DLGAP1: variants seen among roughly 807,000 people sequenced by gnomAD.
The protein encoded by DLGAP1 is DLG associated protein 1, also known as disks large-associated protein 1.
Under a neutral mutation model 90.8 loss-of-function variants are expected in DLGAP1, and 11 were observed. The ratio of observed to expected loss-of-function variants is 0.12; its 90% confidence interval spans 0.08 to 0.20. The LOEUF is 0.20. DLGAP1 is among the 10% of genes least tolerant of loss of function. The probability of loss-of-function intolerance (pLI) is 1.00; values close to 1 mark genes in which losing one functional copy is unlikely to be tolerated. For synonymous variants in DLGAP1, 558 were observed against 540.7 expected (o/e 1.03, Z -0.44); for missense variants, 1,050 against 1,333.8 (o/e 0.79, Z 3.31).
intron 3 of DLGAP1, among the ~76,000 whole-genome samples, chr18:3,910,105 C>T (rs554875479): frequency 1.3e-4 from 20 of 149,624 alleles, no homozygotes; most frequent in Admixed American, 8.1e-4. Context: ...AGTTGGACTA[C>T]GAAAATGAAT....
chr18:3,858,477 C>CATATATATATATATACGTAT (rs141028503), intron 4 of DLGAP1, among the ~76,000 whole-genome samples: 4 of 147,312 alleles, frequency 2.7e-5, no homozygotes, highest in Admixed American at 1.4e-4. Flanking sequence ...AAAAGGGAAA[C>CATATATATATATATACGTAT]ATATATATAT....
chr18:4,203,466 A>G (rs559020035), intron 1 of DLGAP1, among the ~76,000 whole-genome samples: 65 of 152,292 alleles, frequency 4.3e-4, no homozygotes, highest in African/African-American at 1.4e-3. Flanking sequence ...ATAGAAGCAG[A>G]TATCAATTAA....
At chr18:3,795,239 C>T (rs1280204409) in intron 5 of DLGAP1, among the ~76,000 whole-genome samples, 1 of 152,188 alleles carries the variant, frequency 6.6e-6, no homozygotes, top group Non-Finnish European at 1.5e-5. Flanking sequence ...GAAACAGACA[C>T]AGAGATTTTC....
intron 7 of DLGAP1, among the ~76,000 whole-genome samples, chr18:3,591,003 G>A (rs1194372239): frequency 6.6e-6 from 1 of 151,954 alleles, no homozygotes; most frequent in Non-Finnish European, 1.5e-5. Flanking sequence ...TTTTTTGTAT[G>A]TCTTAAAAAA....
intron 1 of DLGAP1, among the ~76,000 whole-genome samples, chr18:4,334,235 TCAAA>T (rs574085986): frequency 0.02 from 3,090 of 151,638 alleles, 46 homozygotes; most frequent in Admixed American, 0.033. Flanking sequence ...TGAAACTCCA[TCAAA>T]CAAACAAACA....
chr18:4,018,289 T>C (rs111700274), intron 2 of DLGAP1, among the ~76,000 whole-genome samples: 2,223 of 152,288 alleles, frequency 0.015, 58 homozygotes, highest in African/African-American at 0.051. Flanking sequence ...CGAGCTGGGA[T>C]GCCCTTCAGA....
intron 2 of DLGAP1, among the ~76,000 whole-genome samples, chr18:4,046,502 CA>C (rs1255487938): frequency 2.0e-5 from 3 of 152,130 alleles, no homozygotes; most frequent in African/African-American, 7.2e-5. Flanking sequence ...CAACTATGCC[CA>C]GGGGCGCACA....
chr18:3,601,581 G>A (rs554075456), intron 7 of DLGAP1, among the ~76,000 whole-genome samples: 4 of 151,848 alleles, frequency 2.6e-5, no homozygotes, highest in Admixed American at 1.3e-4. Context: ...GGTGGTTCAC[G>A]CCTATAATCC....
rs114518467 is a variant in DLGAP1, at chr18:3,589,866, G to A, written c.1592-7618C>T. On this transcript the variant is annotated intron_variant, in intron 7 of 12. Coordinates refer to ENST00000315677, the MANE Select transcript of DLGAP1 (RefSeq NM_004746.4). ...GCTGAGGGCAAAGTTCTCCCGATTT[G>A]GTCCAGGTGATCAGCAGTTGTTCAA... Among the ~76,000 whole-genome samples, 680 of 152,254 alleles carry A rather than the reference G, an allele frequency of 4.5e-3. 4 individuals are homozygous for A. Among genetic ancestry groups the A allele is most frequent in the African/African-American group, 0.015 (640 of 41,560 alleles).
At chr18:3,759,028 A>G (rs533463419) in intron 5 of DLGAP1, among the ~76,000 whole-genome samples, 5 of 152,336 alleles carry the variant, frequency 3.3e-5, no homozygotes, top group Non-Finnish European at 7.3e-5. Flanking sequence ...TTAGAGGAAC[A>G]AACTCCTATA....
chr18:3,695,135 G>A (rs2061049276), intron 7 of DLGAP1, among the ~76,000 whole-genome samples: 1 of 151,714 alleles, frequency 6.6e-6, no homozygotes, highest in African/African-American at 2.4e-5. Flanking sequence ...TAGTAGAGAC[G>A]GGGTTTCACC....
At chr18:4,410,143 C>T (rs1324192645) in intron 1 of DLGAP1, among the ~76,000 whole-genome samples, 3 of 152,064 alleles carry the variant, frequency 2.0e-5, no homozygotes, top group South Asian at 2.1e-4. Flanking sequence ...CAATAGACTT[C>T]GGGTACTTGG....
chr18:3,611,570 T>C (rs1159161168), intron 7 of DLGAP1, among the ~76,000 whole-genome samples: 2 of 151,980 alleles, frequency 1.3e-5, no homozygotes, highest in African/African-American at 2.4e-5. Context: ...TGTTAACGCG[T>C]CCCCGCCTCC....
At chr18:4,445,528 A>G (rs2083642727) in intron 1 of DLGAP1, among the ~76,000 whole-genome samples, 1 of 140,812 alleles carries the variant, frequency 7.1e-6, no homozygotes, top group Non-Finnish European at 1.5e-5. Context: ...ATTCCCACCT[A>G]TGAGTGAGAA....
At position 3,881,959 on chromosome 18, in the gene DLGAP1, G is replaced by C. The variant is rs1411136606; in HGVS notation, c.-72-1819C>G. ...ACTAAGATGAATAATAGAAGCCAAT[G>C]GCACCTCGTATCTTTAGGATATCTC... On this transcript the variant is annotated intron_variant, in intron 3 of 12. Transcript: ENST00000315677. Among the ~76,000 whole-genome samples the C allele has an allele frequency of 2.0e-5, 3 of 152,110 alleles. No homozygotes were observed. The East Asian group carries it at 5.8e-4, about 29-fold the overall frequency.
In DLGAP1 at chr18:3,976,098, G is replaced by T. The variant is rs148429664; in HGVS notation, c.-73+29018C>A. On this transcript the variant is annotated intron_variant, in intron 3 of 12. Transcript: ENST00000315677. The stretch of plus-strand genomic sequence containing the variant: ...GCAGTGGCTCATGCCTGTAATCCCA[G>T]CACTTTGAGAGGCTGAGGTGGTTGG... Among the ~76,000 whole-genome samples, 512 of 152,110 alleles carry T rather than the reference G, an allele frequency of 3.4e-3. 5 individuals carry two copies. The highest frequency in any genetic ancestry group is 0.012 in the African/African-American group (480 of 41,490).
chr18:3,527,413 T>TTTTTG (rs2051706242), intron 10 of DLGAP1, among the ~76,000 whole-genome samples: 2 of 144,728 alleles, frequency 1.4e-5, no homozygotes, highest in Non-Finnish European at 3.0e-5. Context: ...TTCCAAACTT[T>TTTTTG]TTTTTTTTTT....
intron 2 of DLGAP1, among the ~76,000 whole-genome samples, chr18:4,109,482 G>A (rs1302592298): frequency 6.6e-6 from 1 of 152,176 alleles, no homozygotes; most frequent in African/African-American, 2.4e-5. Flanking sequence ...TTACTGTAGT[G>A]TTCAGAGAAG....
At chr18:4,130,153 G>T (rs1428531127) in intron 2 of DLGAP1, among the ~76,000 whole-genome samples, 2 of 152,100 alleles carry the variant, frequency 1.3e-5, no homozygotes, top group East Asian at 1.9e-4. Flanking sequence ...TTCCGTGTTG[G>T]TTTTTCAAGC....
Sources: gnomAD v4.1 joint callset for allele counts (sites outside exome capture counted in the v4.1 genomes callset) on GRCh38, gnomAD v4.1.1 for gene constraint, MANE v1.5 for transcripts, NCBI Gene and HGNC (gene_info 2026-07-23, HGNC 2026-07-21) for gene names.